The following CIT variants were observed in gnomAD, a reference collection of about 807,000 sequenced individuals.
The protein encoded by CIT is citron rho-interacting serine/threonine kinase, also known as citron Rho-interacting kinase.
Under a neutral mutation model 272.7 loss-of-function variants are expected in CIT, and 79 were observed. The ratio of observed to expected loss-of-function variants is 0.29; its 90% CI spans 0.24 to 0.35. The LOEUF (loss-of-function observed/expected upper bound fraction) is 0.35, where lower values mean the gene tolerates loss of function less well. Among genes scored for constraint, CIT ranks in the 10% least tolerant of loss-of-function variants. The probability of loss-of-function intolerance (pLI) is 1.00; values close to 1 mark genes in which losing one functional copy is unlikely to be tolerated. For missense variants in CIT, 1,909 were observed against 2,618.3 expected (o/e 0.73, Z 5.91); for synonymous variants, 948 against 995.6 (o/e 0.95, Z 0.90).
In CIT at chr12:119,784,620, A is replaced by T; in HGVS notation, c.1401+340T>A. The T allele has an allele frequency of 8.3e-7, 1 of 1,204,382 alleles. No homozygotes were observed. Among genetic ancestry groups the T allele is most frequent in the South Asian group, 2.0e-5 (1 of 50,278 alleles). The allele number at this position is 1,204,382 out of a possible 1,614,324, so 74.6% of individuals were successfully genotyped here. ...GAGTTTTAAAAGACTAGGAAGAGAG[A>T]CTTCGCATCACTCAAAGCAGATGGG... On this transcript the variant is annotated intron_variant, in intron 11 of 47. Transcript: ENST00000392521. The surrounding 1 kb of genome is among the most constrained non-coding windows in gnomAD (Gnocchi z 4.7).
At chr12:119,818,655 G>C (rs1287873103) in intron 9 of CIT, among the ~76,000 whole-genome samples, 1 of 152,192 alleles carries the variant, frequency 6.6e-6, no homozygotes, top group Non-Finnish European at 1.5e-5. Flanking sequence ...CATGTGGCAA[G>C]AATTGTTTCT....
At chr12:119,868,997 T>C (rs558894822) in intron 3 of CIT, 63 bp downstream of exon 3, 1 of 1,586,452 alleles carries the variant, frequency 6.3e-7, no homozygotes, top group East Asian at 2.2e-5. Flanking sequence ...TCATTCTGCC[T>C]CAAGCATCTT....
At chr12:119,698,986 G>A (rs1161273199) in intron 44 of CIT, among the ~76,000 whole-genome samples, 3 of 152,134 alleles carry the variant, frequency 2.0e-5, no homozygotes, top group African/African-American at 4.8e-5. Context: ...TGGGCGCGGT[G>A]GCTCATGCCT....
Position 119,767,167 on chromosome 12 carries a change from G to A in CIT, c.2224C>T (p.His742Tyr). The change falls in exon 19 of 48, where the codon CAT (histidine) becomes TAT (tyrosine). Residue 742 changes from histidine (H) to tyrosine (Y), a missense_variant. This residue lies in a region of CIT where 530 missense variants were observed against 822.4 expected (regional missense o/e 0.64). Transcript: ENST00000392521. ...TGGGCTGAGACTTGGGCCTCCCGAT[G>A]TTTCTCTTCGAGCTCCTAGACACAA... The part of the protein sequence containing the change: ...ADKILELEEK[H>Y]REAQVSAQHL... 1 of 1,609,922 alleles carries A rather than the reference G, an allele frequency of 6.2e-7. No individual in the cohort carries two copies. The highest frequency in any genetic ancestry group is 2.2e-5 in the East Asian group (1 of 44,766).
At chr12:119,717,902 C>T (rs1411455485) in intron 32 of CIT, among the ~76,000 whole-genome samples, 7 of 130,742 alleles carry the variant, frequency 5.4e-5, no homozygotes, top group South Asian at 2.4e-4. Flanking sequence ...AGTGCAATGG[C>T]GCAATCTCGG....
intron 32 of CIT, among the ~76,000 whole-genome samples, chr12:119,716,496 G>A (rs763714572): frequency 8.0e-5 from 11 of 136,852 alleles, no homozygotes; most frequent in Non-Finnish European, 1.6e-4. Flanking sequence ...ACAGCAACAA[G>A]AAAACACCAT....
At chr12:119,757,316 T>G in intron 22 of CIT, 55 bp downstream of exon 22, 1 of 1,603,036 alleles carries the variant, frequency 6.2e-7, no homozygotes. Flanking sequence ...AGCTGACTTG[T>G]TCAGAGCCCG....
Position 119,728,723 on chromosome 12 carries a change from C to G in CIT, c.3487-117G>C. The G allele has an allele frequency of 1.4e-6, 1 of 714,360 alleles. No individual in the cohort carries two copies. Among genetic ancestry groups the G allele is most frequent in the Non-Finnish European group, 2.3e-6 (1 of 429,610 alleles). The allele number at this position is 714,360 out of a possible 1,614,324, so 44.3% of individuals were successfully genotyped here. Reference sequence around the variant, plus strand: ...GAATATTGAGTTCTAAAGGTCAGAACGTAAAGGTTGCTTTTTTCTAAATAC... The same window carrying G: ...GAATATTGAGTTCTAAAGGTCAGAAGGTAAAGGTTGCTTTTTTCTAAATAC... On this transcript the variant is annotated intron_variant, in intron 27 of 47. Coordinates refer to ENST00000392521, the MANE Select transcript of CIT (RefSeq NM_001206999.2). The surrounding 1 kb of genome is among the most constrained non-coding windows in gnomAD (Gnocchi z 4.3).
In CIT at chr12:119,850,291, A is replaced by G; in HGVS notation, c.415-16T>C. The G allele has an allele frequency of 2.6e-6, 4 of 1,518,074 alleles. No homozygotes were observed. The highest frequency in any genetic ancestry group is 3.7e-6 in the Non-Finnish European group (4 of 1,094,194). 94.0% of individuals were successfully genotyped at this position (1,518,074 alleles called of 1,614,324 possible). ...AAAATGAAACCTAGGGAAAAAAGAA[A>G]CTGCTTAGACAATTATAAAGAACTG... On this transcript the variant is annotated splice_polypyrimidine_tract_variant and intron_variant, in intron 4 of 47. Transcript: ENST00000392521.
intron 30 of CIT, 174 bp from the exon 31 acceptor site, chr12:119,719,035 G>A (rs556435052): frequency 4.3e-5 from 27 of 629,664 alleles, no homozygotes; most frequent in Admixed American, 3.0e-4. Context: ...GCCACAGCCC[G>A]TTCCAGCCGG....
In CIT at chr12:119,690,631, G is replaced by C. The variant is rs188374821; in HGVS notation, c.5883-177C>G. Among the ~76,000 whole-genome samples, 3 of 152,350 alleles carry C rather than the reference G, an allele frequency of 2.0e-5. No homozygotes were observed. Among genetic ancestry groups the C allele is most frequent in the Non-Finnish European group, 1.5e-5 (1 of 68,040 alleles). ...ATTTTGGTAGCAAAGACAGGGAAGA[G>C]AGCAAAGATGGCAACAAAAGACAAC... On this transcript the variant is annotated intron_variant, in intron 46 of 47. Coordinates refer to ENST00000392521, the MANE Select transcript of CIT (RefSeq NM_001206999.2). The surrounding 1 kb of genome is among the most constrained non-coding windows in gnomAD (Gnocchi z 6.0).
intron 5 of CIT, among the ~76,000 whole-genome samples, chr12:119,836,283 C>T (rs1390480576): frequency 2.1e-5 from 1 of 48,434 alleles, no homozygotes; most frequent in African/African-American, 1.4e-4. Context: ...GAGACTCCAT[C>T]TAAAAAAAAA....
rs1407321342 is a variant in CIT at position 119,747,734 on chromosome 12, CA to C, written c.2904+4315del. Among the ~76,000 whole-genome samples, 5 of 151,506 alleles carry C rather than the reference CA, an allele frequency of 3.3e-5. No homozygotes were observed. The East Asian group carries it at 7.7e-4, about 23-fold the overall frequency. On this transcript the variant is annotated intron_variant, in intron 23 of 47. Transcript: ENST00000392521. ...ACTCCGTCTCAAAAAAACAAACAAA[CA>C]AAAAAATTAAGACAGATATTTTTCA...
chr12:119,759,321 G>C (rs1463315641), intron 20 of CIT, among the ~76,000 whole-genome samples: 3 of 152,212 alleles, frequency 2.0e-5, no homozygotes, highest in African/African-American at 7.2e-5. Flanking sequence ...CTGCGCAAGC[G>C]AGGGATCGAG....
Position 119,704,467 on chromosome 12 carries a change from C to T in CIT, c.5212-12G>A, listed in dbSNP as rs750490689. The T allele has an allele frequency of 2.5e-6, 4 of 1,612,946 alleles. No homozygotes were observed. The highest frequency in any genetic ancestry group is 3.3e-4 in the Middle Eastern group (2 of 6,076). On this transcript the variant is annotated splice_polypyrimidine_tract_variant and intron_variant, in intron 40 of 47. Transcript: ENST00000392521. Reference sequence around the variant, plus strand: ...AGCCCGTTCTCAATCTGAAAAGCAACCAAGAAAAGAAAAAGACTGTCACCA... The same window carrying T: ...AGCCCGTTCTCAATCTGAAAAGCAATCAAGAAAAGAAAAAGACTGTCACCA...
chr12:119,846,955 C>T (rs1469946436), intron 5 of CIT, among the ~76,000 whole-genome samples: 3 of 149,114 alleles, frequency 2.0e-5, no homozygotes, highest in Non-Finnish European at 4.4e-5. Flanking sequence ...CAAACCAAAA[C>T]AAACAAAAGC....
At chr12:119,830,074 C>T (rs1968500894) in intron 7 of CIT, among the ~76,000 whole-genome samples, 1 of 149,838 alleles carries the variant, frequency 6.7e-6, no homozygotes, top group South Asian at 2.2e-4. Flanking sequence ...TTAAAAATAT[C>T]CCCCCAAAAA....
intron 23 of CIT, among the ~76,000 whole-genome samples, chr12:119,745,398 A>AAAAAAAAAAAAAAAAAAAAAAAAAAAT (rs1372544069): frequency 6.9e-6 from 1 of 145,084 alleles, no homozygotes; most frequent in Non-Finnish European, 1.5e-5. Flanking sequence ...AAAAAAAAAA[A>AAAAAAAAAAAAAAAAAAAAAAAAAAAT]CACCTGTCCA....
intron 10 of CIT, among the ~76,000 whole-genome samples, chr12:119,790,332 T>G (rs1294054798): frequency 2.0e-5 from 3 of 152,182 alleles, no homozygotes; most frequent in Non-Finnish European, 2.9e-5. Context: ...AAAGAGCTGA[T>G]ACTATCACTG....
Sources: gnomAD v4.1 joint callset for allele counts (sites outside exome capture counted in the v4.1 genomes callset) on GRCh38, gnomAD v4.1.1 for gene constraint, gnomAD v4.1.1 regional missense constraint, Gnocchi (gnomAD v3.1) non-coding constraint, MANE v1.5 for transcripts, NCBI Gene and HGNC (gene_info 2026-07-23, HGNC 2026-07-21) for gene names.